The following HIVEP3 variants were observed in gnomAD, a reference collection of about 807,000 sequenced individuals.
HIVEP3 encodes the protein transcription factor HIVEP3.
Under a neutral mutation model 152.8 loss-of-function variants are expected in HIVEP3, and 49 were observed. The observed-to-expected ratio is 0.32, with a 90% CI of 0.26 to 0.41. The LOEUF is 0.41. HIVEP3 is among the 10% of genes least tolerant of loss of function. The probability of loss-of-function intolerance (pLI) is 1.00; values close to 1 mark genes in which losing one functional copy is unlikely to be tolerated. For synonymous variants in HIVEP3, 1,269 were observed against 1,289.0 expected, an observed-to-expected ratio of 0.98 and a Z score of 0.33; for missense variants, 2,790 against 3,103.3, an observed-to-expected ratio of 0.90 and a Z score of 2.40.
chr1:41,869,927 T>C (rs1644049108), intron 1 of HIVEP3, among the ~76,000 whole-genome samples: 1 of 152,228 alleles, frequency 6.6e-6, no homozygotes, highest in Admixed American at 6.5e-5. Flanking sequence ...CCTGACATTA[T>C]AAAAATATAA....
At chr1:41,781,572 T>A (rs1649044038) in intron 1 of HIVEP3, among the ~76,000 whole-genome samples, 1 of 152,226 alleles carries the variant, frequency 6.6e-6, no homozygotes, top group South Asian at 2.1e-4. Context: ...GGAGTCTTTC[T>A]CACTTGAAGA....
intron 1 of HIVEP3, among the ~76,000 whole-genome samples, chr1:41,990,592 C>A (rs1306914752): frequency 6.9e-6 from 1 of 145,742 alleles, no homozygotes; most frequent in Admixed American, 6.9e-5. Context: ...GACAGATCAA[C>A]GAGACAGAAA....
At chr1:41,697,509 GT>G (rs1439305447) in intron 2 of HIVEP3, among the ~76,000 whole-genome samples, 1 of 152,196 alleles carries the variant, frequency 6.6e-6, no homozygotes, top group Non-Finnish European at 1.5e-5. Context: ...GAGAGGATGG[GT>G]AACAAATCAT....
intron 2 of HIVEP3, among the ~76,000 whole-genome samples, chr1:41,658,763 T>G (rs1158796785): frequency 6.6e-6 from 1 of 151,992 alleles, no homozygotes; most frequent in African/African-American, 2.4e-5. Flanking sequence ...TAAGGGAGAG[T>G]GCTCTGCAGC....
At chr1:41,666,023 C>A (rs1366989351) in intron 2 of HIVEP3, among the ~76,000 whole-genome samples, 1 of 152,174 alleles carries the variant, frequency 6.6e-6, no homozygotes, top group South Asian at 2.1e-4. Context: ...TTAGGTCTTA[C>A]ACTGACTTAG....
intron 1 of HIVEP3, among the ~76,000 whole-genome samples, chr1:41,849,381 C>T (rs1342814570): frequency 9.9e-5 from 15 of 152,192 alleles, no homozygotes; most frequent in Admixed American, 8.5e-4. Context: ...ACAAACTTCT[C>T]CAATTACATC....
intron 1 of HIVEP3, among the ~76,000 whole-genome samples, chr1:41,866,482 C>T (rs986454717): frequency 1.3e-5 from 2 of 152,230 alleles, no homozygotes; most frequent in African/African-American, 4.8e-5. Flanking sequence ...CTTTCTAGGG[C>T]AGGCTGCTTG....
rs75469788 is a variant in HIVEP3 at position 41,791,021 on chromosome 1, C to G, written c.-800-90026G>C. On this transcript the variant is annotated intron_variant, in intron 1 of 8. Transcript: ENST00000372583. ...TGTGGAATAAAGTCCAAACTCCCTA[C>G]CACTGCAGTCACAGTCTCTCATCAT... Among the ~76,000 whole-genome samples the G allele has an allele frequency of 2.0e-5, 3 of 152,114 alleles. No individual in the cohort carries two copies. The East Asian group carries it at 5.8e-4, about 29-fold the overall frequency.
At chr1:41,608,086 G>A (rs1421554669) in intron 3 of HIVEP3, among the ~76,000 whole-genome samples, 2 of 152,126 alleles carry the variant, frequency 1.3e-5, no homozygotes, top group African/African-American at 4.8e-5. Flanking sequence ...TACAGAAGAA[G>A]AGAAAAAAGA....
intron 5 of HIVEP3, among the ~76,000 whole-genome samples, chr1:41,544,994 CGCTACCATCACCACCACCACCACT>C (rs1643692397): frequency 7.6e-5 from 6 of 79,190 alleles, no homozygotes; most frequent in South Asian, 4.8e-4. Flanking sequence ...CCACCACCAT[CGCTACCATCACCACCACCACCACT>C]ACCACCACCA....
chr1:41,709,570 G>T (rs1238978878), intron 1 of HIVEP3, among the ~76,000 whole-genome samples: 1 of 152,212 alleles, frequency 6.6e-6, no homozygotes, highest in East Asian at 1.9e-4. Context: ...CCAGCCTATA[G>T]CTTGAGGACA....
intron 1 of HIVEP3, among the ~76,000 whole-genome samples, chr1:41,931,431 C>G (rs1644995174): frequency 6.6e-6 from 1 of 151,984 alleles, no homozygotes; most frequent in African/African-American, 2.4e-5. Flanking sequence ...CCTCTGGGCT[C>G]TCAACTCTGT....
At chr1:41,513,975 G>T (rs1213876303) in intron 7 of HIVEP3, among the ~76,000 whole-genome samples, 1 of 152,224 alleles carries the variant, frequency 6.6e-6, no homozygotes, top group Non-Finnish European at 1.5e-5. Context: ...GCAATGTTCA[G>T]TTCTGAGAGC....
chr1:41,620,116 C>G (rs1192399761), intron 3 of HIVEP3, among the ~76,000 whole-genome samples: 2 of 152,118 alleles, frequency 1.3e-5, no homozygotes, highest in African/African-American at 4.8e-5. Flanking sequence ...AGGACAAAGG[C>G]TTGGGAGCAC....
chr1:42,002,837 T>G (rs1045891342), intron 1 of HIVEP3, among the ~76,000 whole-genome samples: 2 of 148,364 alleles, frequency 1.3e-5, no homozygotes, highest in African/African-American at 2.5e-5. Context: ...CTTTGAGAGG[T>G]GTCCCCTTTC....
chr1:41,653,441 A>G (rs192704976), intron 2 of HIVEP3, among the ~76,000 whole-genome samples: 1 of 152,074 alleles, frequency 6.6e-6, no homozygotes, highest in African/African-American at 2.4e-5. Context: ...TCCCAAATGT[A>G]CTTGGCCATT....
chr1:41,652,991 T>C (rs544301109), intron 2 of HIVEP3, among the ~76,000 whole-genome samples: 24 of 151,826 alleles, frequency 1.6e-4, no homozygotes, highest in Non-Finnish European at 2.9e-4. Context: ...AAAAGGATCA[T>C]TTGCATGCCA....
chr1:41,914,140 A>T (rs1033192554), intron 1 of HIVEP3, among the ~76,000 whole-genome samples: 2 of 152,184 alleles, frequency 1.3e-5, no homozygotes, highest in Admixed American at 6.5e-5. Context: ...TCATGTACTC[A>T]CCACTTCCAT....
chr1:41,574,279 C>T (rs374664145), intron 5 of HIVEP3, among the ~76,000 whole-genome samples: 4 of 152,244 alleles, frequency 2.6e-5, no homozygotes, highest in East Asian at 1.9e-4. Flanking sequence ...CACACGAGGG[C>T]GCTCTAACCA....
Sources: gnomAD v4.1 joint callset for allele counts (sites outside exome capture counted in the v4.1 genomes callset) on GRCh38, gnomAD v4.1.1 for gene constraint, MANE v1.5 for transcripts, NCBI Gene and HGNC (gene_info 2026-07-23, HGNC 2026-07-21) for gene names.